OPCML: variants seen among roughly 807,000 people sequenced by gnomAD.
The protein encoded by OPCML is opioid-binding protein/cell adhesion molecule.
A neutral mutation model predicts 37.8 loss-of-function variants in OPCML; 13 were observed. That is an observed-to-expected ratio of 0.34 (90% confidence interval 0.22 to 0.55). OPCML has a LOEUF of 0.55. OPCML is among the 20% of genes least tolerant of loss of function. The pLI is 0.91. For synonymous variants in OPCML, 176 were observed against 168.8 expected (o/e 1.04, Z -0.33); for missense variants, 341 against 435.6 (o/e 0.78, Z 1.93).
intron 1 of OPCML, among the ~76,000 whole-genome samples, chr11:133,454,975 CT>C (rs892735213): frequency 3.9e-5 from 6 of 152,086 alleles, no homozygotes; most frequent in Middle Eastern, 3.4e-3. Flanking sequence ...TGGGATTCAC[CT>C]TTTTTTTCCC....
At chr11:133,009,628 G>T (rs1395501) in intron 1 of OPCML, among the ~76,000 whole-genome samples, 69,405 of 152,056 alleles carry the variant, frequency 0.46, 16,042 homozygotes, top group South Asian at 0.63. Flanking sequence ...CCTATGAATG[G>T]GGTGGGTGCG....
At chr11:132,865,251 T>G (rs1942485784) in intron 2 of OPCML, among the ~76,000 whole-genome samples, 1 of 152,158 alleles carries the variant, frequency 6.6e-6, no homozygotes, top group South Asian at 2.1e-4. Flanking sequence ...AAAATAACAC[T>G]TGTAAATATC....
At chr11:133,326,939 T>G (rs1592204254) in intron 1 of OPCML, among the ~76,000 whole-genome samples, 1 of 106,770 alleles carries the variant, frequency 9.4e-6, no homozygotes, top group Admixed American at 1.0e-4. Context: ...GTGTGGGGCG[T>G]GGGTGGGGTG....
At chr11:133,085,889 A>G (rs1209976367) in intron 1 of OPCML, among the ~76,000 whole-genome samples, 3 of 152,224 alleles carry the variant, frequency 2.0e-5, no homozygotes, top group Admixed American at 2.0e-4. Context: ...AATCTGCAGT[A>G]GCCAAGTCAT....
chr11:133,016,463 G>C (rs1947338131), intron 1 of OPCML, among the ~76,000 whole-genome samples: 1 of 152,152 alleles, frequency 6.6e-6, no homozygotes, highest in South Asian at 2.1e-4. Flanking sequence ...CTGCTACTTT[G>C]ACTCTCTTTG....
chr11:133,479,951 A>T (rs1431323103), intron 1 of OPCML, among the ~76,000 whole-genome samples: 1 of 152,146 alleles, frequency 6.6e-6, no homozygotes, highest in African/African-American at 2.4e-5. Flanking sequence ...AGCACCACCC[A>T]AGGAGCCAGC....
intron 1 of OPCML, among the ~76,000 whole-genome samples, chr11:133,514,342 T>C (rs1319600965): frequency 6.6e-6 from 1 of 152,196 alleles, no homozygotes; most frequent in East Asian, 1.9e-4. Flanking sequence ...AATGTGGGCT[T>C]GATTCTTTAG....
intron 4 of OPCML, among the ~76,000 whole-genome samples, chr11:132,501,545 C>T (rs2096245640): frequency 6.6e-6 from 1 of 152,150 alleles, no homozygotes; most frequent in Admixed American, 6.5e-5. Flanking sequence ...CCTATATCTG[C>T]CCAAGGAGCT....
intron 4 of OPCML, among the ~76,000 whole-genome samples, chr11:132,515,052 G>A (rs2137206091): frequency 6.6e-6 from 1 of 152,314 alleles, no homozygotes; most frequent in South Asian, 2.1e-4. Flanking sequence ...GACTGCAATG[G>A]TGTGAAGAGC....
intron 1 of OPCML, among the ~76,000 whole-genome samples, chr11:133,523,020 T>C (rs1948424720): frequency 6.6e-6 from 1 of 152,184 alleles, no homozygotes; most frequent in African/African-American, 2.4e-5. Context: ...CAAGCTACTA[T>C]GGCGTCCAAT....
At chr11:132,999,825 G>A (rs888063657) in intron 1 of OPCML, among the ~76,000 whole-genome samples, 13 of 152,220 alleles carry the variant, frequency 8.5e-5, no homozygotes, top group Admixed American at 5.2e-4. Flanking sequence ...GTGGAAAGGC[G>A]ACAGGGGTCT....
chr11:132,687,139 TC>T (rs1371212046), intron 2 of OPCML, among the ~76,000 whole-genome samples: 1 of 151,730 alleles, frequency 6.6e-6, no homozygotes, highest in Admixed American at 6.6e-5. Context: ...GAAAGACAAT[TC>T]CCTCAGGAAA....
intron 1 of OPCML, among the ~76,000 whole-genome samples, chr11:133,207,756 A>G (rs916635326): frequency 1.3e-5 from 2 of 152,164 alleles, no homozygotes; most frequent in African/African-American, 4.8e-5. Context: ...AGATTGTCAA[A>G]TGCTATTTGG....
chr11:133,200,079 T>A (rs1938705817), intron 1 of OPCML, among the ~76,000 whole-genome samples: 1 of 152,234 alleles, frequency 6.6e-6, no homozygotes. Flanking sequence ...ATGAGCACCA[T>A]TTCCCCCACC....
chr11:132,492,159 G>C (rs1168415740), intron 4 of OPCML, among the ~76,000 whole-genome samples: 1 of 151,974 alleles, frequency 6.6e-6, no homozygotes, highest in Admixed American at 6.5e-5. Flanking sequence ...AGGTGACAAT[G>C]GCCAGGACAC....
chr11:133,501,526 T>A (rs1399521023), intron 1 of OPCML, among the ~76,000 whole-genome samples: 3 of 152,184 alleles, frequency 2.0e-5, no homozygotes, highest in Admixed American at 2.0e-4. Flanking sequence ...TCTTTTGTTA[T>A]ATGAGAAAAA....
chr11:132,936,486 G>A (rs1281582948), intron 2 of OPCML, among the ~76,000 whole-genome samples: 1 of 152,116 alleles, frequency 6.6e-6, no homozygotes, highest in East Asian at 1.9e-4. Context: ...AGTAAACCAT[G>A]TACAATAGGA....
chr11:133,227,279 C>T (rs985864753), intron 1 of OPCML, among the ~76,000 whole-genome samples: 14 of 152,210 alleles, frequency 9.2e-5, no homozygotes, highest in Middle Eastern at 3.2e-3. Flanking sequence ...CACACTACAT[C>T]CTGGTACCAT....
At chr11:133,424,507 G>C (rs1462927736) in intron 1 of OPCML, among the ~76,000 whole-genome samples, 1 of 151,904 alleles carries the variant, frequency 6.6e-6, no homozygotes, top group African/African-American at 2.4e-5. Context: ...CACTTAGCTT[G>C]GAGAGAATTT....
Sources: gnomAD v4.1 joint callset for allele counts (sites outside exome capture counted in the v4.1 genomes callset) on GRCh38, gnomAD v4.1.1 for gene constraint, MANE v1.5 for transcripts, NCBI Gene and HGNC (gene_info 2026-07-23, HGNC 2026-07-21) for gene names.